ANO2: variants seen among roughly 807,000 people sequenced by gnomAD.
The protein encoded by ANO2 is anoctamin-2.
In ANO2, 101 loss-of-function variants were observed where a neutral mutation model predicts 124.2. The ratio of observed to expected loss-of-function variants is 0.81; its 90% CI spans 0.69 to 0.96. The LOEUF (loss-of-function observed/expected upper bound fraction) is 0.96. Among genes scored for constraint, ANO2 ranks in the 40% least tolerant of loss-of-function variants. ANO2 has a pLI of 0.00. For missense variants in ANO2, 1,293 were observed against 1,274.5 expected, an observed-to-expected ratio of 1.01 and a Z score of -0.22; for synonymous variants, 486 against 482.5, an observed-to-expected ratio of 1.01 and a Z score of -0.09.
At chr12:5,610,819 T>TACACACAC (rs766401385) in intron 19 of ANO2, among the ~76,000 whole-genome samples, 2,720 of 110,798 alleles carry the variant, frequency 0.025, 69 homozygotes, top group East Asian at 0.12. Context: ...GAGTTGTCCA[T>TACACACAC]ACACACACAC....
rs1222922507 is a variant in ANO2, at chr12:5,853,996, C to T, written c.633+47G>A. On this transcript the variant is annotated intron_variant, in intron 4 of 24. Coordinates refer to ENST00000682330, the MANE Select transcript of ANO2 (RefSeq NM_001364791.2). Reference sequence around the variant, plus strand: ...GCCCTATTCCCAAATTATTTGCATCCATCCAGCCCTCAGGAGGCCCAGAAC... The same window carrying T: ...GCCCTATTCCCAAATTATTTGCATCTATCCAGCCCTCAGGAGGCCCAGAAC... The T allele has an allele frequency of 3.3e-6, 5 of 1,515,622 alleles. No individual in the cohort carries two copies. In the South Asian group the frequency reaches 5.7e-5, roughly 17 times the overall value. The allele number at this position is 1,515,622 out of a possible 1,614,324, so 93.9% of individuals were successfully genotyped here.
At chr12:5,812,371 AAAAG>A (rs368397839) in intron 7 of ANO2, among the ~76,000 whole-genome samples, 1,035 of 71,262 alleles carry the variant, frequency 0.015, 18 homozygotes, top group African/African-American at 0.038. Context: ...GAGAGAAAGA[AAAAG>A]AAAGAAAGAA....
chr12:5,885,522 T>C (rs1938826276), intron 3 of ANO2, among the ~76,000 whole-genome samples: 1 of 152,160 alleles, frequency 6.6e-6, no homozygotes, highest in Non-Finnish European at 1.5e-5. Flanking sequence ...TCACAAATCA[T>C]CTCAATAAAC....
intron 20 of ANO2, among the ~76,000 whole-genome samples, chr12:5,583,349 T>C (rs910270782): frequency 6.6e-6 from 1 of 152,202 alleles, no homozygotes; most frequent in Non-Finnish European, 1.5e-5. Context: ...AAAATGATTA[T>C]AGCTTTTAAA....
chr12:5,862,954 C>G lies in ANO2; in HGVS notation c.535-8813G>C, dbSNP rs1030749018. On this transcript the variant is annotated intron_variant, in intron 3 of 24. Coordinates refer to ENST00000682330, the MANE Select transcript of ANO2 (RefSeq NM_001364791.2). This position sits in a 1 kb window ranked among gnomAD's most constrained non-coding sequence, Gnocchi z 4.0. ...TACAGGCACCCACCACCACACCCAG[C>G]TAATTTTTTGTATTTTTTTCTTTTT... Among the ~76,000 whole-genome samples, 2 of 152,078 alleles carry G rather than the reference C, an allele frequency of 1.3e-5. No individual in the cohort carries two copies. Among genetic ancestry groups the G allele is most frequent in the Admixed American group, 1.3e-4 (2 of 15,280 alleles).
intron 1 of ANO2, among the ~76,000 whole-genome samples, chr12:5,943,382 A>G (rs1397124858): frequency 6.6e-6 from 1 of 152,082 alleles, no homozygotes; most frequent in Non-Finnish European, 1.5e-5. Flanking sequence ...GCTAGAGGCC[A>G]TTATTGTAAG....
At chr12:5,920,103 G>A (rs1368014404) in intron 3 of ANO2, among the ~76,000 whole-genome samples, 1 of 152,078 alleles carries the variant, frequency 6.6e-6, no homozygotes, top group African/African-American at 2.4e-5. Flanking sequence ...ATGCATGGGT[G>A]GGTGGACAGA....
At chr12:5,827,955 C>G in intron 6 of ANO2, 135 bp from the exon 7 acceptor site, 2 of 906,008 alleles carry the variant, frequency 2.2e-6, no homozygotes, top group Non-Finnish European at 3.3e-6. Context: ...CAAGCATGTG[C>G]CTGGCTCATG....
intron 14 of ANO2, among the ~76,000 whole-genome samples, chr12:5,725,447 G>A (rs1950399815): frequency 2.0e-5 from 3 of 152,128 alleles, no homozygotes; most frequent in South Asian, 2.1e-4. Context: ...TCGTGCCAGC[G>A]CTTTGCCGGT....
intron 15 of ANO2, among the ~76,000 whole-genome samples, chr12:5,645,712 T>G (rs1946606448): frequency 6.6e-6 from 1 of 152,212 alleles, no homozygotes; most frequent in African/African-American, 2.4e-5. Flanking sequence ...TTCAACTTCT[T>G]GAGTAATTAG....
At chr12:5,778,738 T>G (rs1424634339) in intron 10 of ANO2, among the ~76,000 whole-genome samples, 1 of 152,202 alleles carries the variant, frequency 6.6e-6, no homozygotes, top group Non-Finnish European at 1.5e-5. Context: ...GCAATGGATG[T>G]TAAGTGCCAA....
At chr12:5,871,069 T>A (rs928154504) in intron 3 of ANO2, among the ~76,000 whole-genome samples, 1 of 152,186 alleles carries the variant, frequency 6.6e-6, no homozygotes, top group African/African-American at 2.4e-5. Flanking sequence ...CTAATTGGCA[T>A]AAAGGCACCA....
intron 14 of ANO2, among the ~76,000 whole-genome samples, chr12:5,654,961 G>T (rs1271422277): frequency 6.6e-6 from 1 of 152,126 alleles, no homozygotes; most frequent in Non-Finnish European, 1.5e-5. Flanking sequence ...TGCATGGATT[G>T]ATGTCACTAT....
chr12:5,692,980 G>A (rs1044610770), intron 14 of ANO2, among the ~76,000 whole-genome samples: 7 of 152,132 alleles, frequency 4.6e-5, no homozygotes, highest in African/African-American at 1.4e-4. Context: ...GACCCCCTGG[G>A]ACTCCACTTT....
intron 19 of ANO2, among the ~76,000 whole-genome samples, chr12:5,604,759 G>C (rs1053045035): frequency 2.0e-5 from 3 of 151,874 alleles, no homozygotes; most frequent in African/African-American, 7.3e-5. Flanking sequence ...TAATAATAAA[G>C]GAAGTCCCTC....
intron 16 of ANO2, among the ~76,000 whole-genome samples, chr12:5,630,618 C>T (rs879640337): frequency 1.3e-5 from 2 of 152,182 alleles, no homozygotes; most frequent in Admixed American, 1.3e-4. Context: ...TAAAAGATAC[C>T]TAGCCTATGG....
At chr12:5,796,847 T>C (rs1299177531) in intron 10 of ANO2, among the ~76,000 whole-genome samples, 3 of 152,166 alleles carry the variant, frequency 2.0e-5, no homozygotes, top group Non-Finnish European at 2.9e-5. Flanking sequence ...TTCCGGGGCC[T>C]TCCACATACA....
Position 5,875,651 on chromosome 12 carries a change from C to G in ANO2, c.535-21510G>C, listed in dbSNP as rs558883510. 3.9e-5 allele frequency among the ~76,000 whole-genome samples: 6 copies of G among 152,300 alleles called. No individual in the cohort carries two copies. The South Asian group carries it at 1.2e-3, about 32-fold the overall frequency. ...ATGCTGCACCGGTGACGGTCACCAT[C>G]AAACACATCAGGCCGCTTGGCTCTC... On this transcript the variant is annotated intron_variant, in intron 3 of 24. Transcript: ENST00000682330.
chr12:5,786,193 C>T (rs551706279), intron 10 of ANO2, among the ~76,000 whole-genome samples: 1 of 152,230 alleles, frequency 6.6e-6, no homozygotes. Context: ...AGGCCCTGCC[C>T]CCAGACCAGC....
Sources: allele counts gnomAD v4.1 joint callset (sites outside exome capture counted in the v4.1 genomes callset), GRCh38; gene constraint gnomAD v4.1.1; non-coding constraint Gnocchi (gnomAD v3.1); transcripts MANE v1.5; gene names NCBI Gene and HGNC (gene_info 2026-07-23, HGNC 2026-07-21).